Variants in MYH6 observed in about 807,000 individuals in gnomAD.
The protein encoded by MYH6 is myosin-6.
A neutral mutation model predicts 223.2 loss-of-function variants in MYH6; 126 were observed. The ratio of observed to expected loss-of-function variants is 0.56; its 90% CI spans 0.49 to 0.65. The LOEUF (loss-of-function observed/expected upper bound fraction) is 0.65. MYH6 is among the 30% of genes least tolerant of loss of function. The probability of loss-of-function intolerance (pLI) is 0.00; values close to 1 mark genes in which losing one functional copy is unlikely to be tolerated. For missense variants in MYH6, 2,040 were observed against 2,536.4 expected, an observed-to-expected ratio of 0.80 and a Z score of 4.20; for synonymous variants, 978 against 1,010.2, an observed-to-expected ratio of 0.97 and a Z score of 0.61.
At chr14:23,406,647 C>T (rs886666391) in intron 3 of MYH6, among the ~76,000 whole-genome samples, 6 of 152,070 alleles carry the variant, frequency 3.9e-5, no homozygotes, top group Non-Finnish European at 5.9e-5. Context: ...TTTGGGTGAA[C>T]GGAATTTGAG....
At chr14:23,388,403 A>C (rs995977175) in intron 29 of MYH6, 65 bp from the exon 30 acceptor site, 4 of 1,592,714 alleles carry the variant, frequency 2.5e-6, no homozygotes, top group Non-Finnish European at 3.4e-6. Context: ...CCTTGGGTGG[A>C]CCTCCTTCCA....
At chr14:23,399,527 A>G (rs1779946908) in intron 14 of MYH6, among the ~76,000 whole-genome samples, 1 of 152,204 alleles carries the variant, frequency 6.6e-6, no homozygotes, top group African/African-American at 2.4e-5. Flanking sequence ...TTGAAGCTAA[A>G]GACTGTCTCT....
At position 23,392,483 on chromosome 14, in the gene MYH6, A is replaced by G. The variant is rs1048840159; in HGVS notation, c.3342+79T>C. The G allele has an allele frequency of 2.7e-6, 3 of 1,091,700 alleles. No homozygotes were observed. In the African/African-American group the frequency reaches 4.7e-5, roughly 17 times the overall value. 67.6% of individuals were successfully genotyped at this position (1,091,700 alleles called of 1,614,324 possible). A position where few individuals can be genotyped will look rare whatever the true frequency, so the allele number is the denominator to read the frequency against. On this transcript the variant is annotated intron_variant, in intron 25 of 38. Transcript: ENST00000405093. Reference sequence around the variant, plus strand: ...GCCTGGAGTTCCAGATATTGTGTAGAACCCTAAGCAGCTGCTGCAGCCTCA... The same window carrying G: ...GCCTGGAGTTCCAGATATTGTGTAGGACCCTAAGCAGCTGCTGCAGCCTCA...
chr14:23,389,556 T>C (rs2138591491), intron 27 of MYH6, 37 bp downstream of exon 27: 1 of 1,614,232 alleles, frequency 6.2e-7, no homozygotes, highest in East Asian at 2.2e-5. Flanking sequence ...ACAAGTCATG[T>C]CCTGCCCTAG....
intron 36 of MYH6, 34 bp from the exon 37 acceptor site, chr14:23,383,354 AG>A: frequency 2.0e-6 from 3 of 1,473,466 alleles, no homozygotes; most frequent in Non-Finnish European, 9.4e-7. Context: ...GCTGGTTTGG[AG>A]GGGGAGCAAA....
At chr14:23,408,068 G>GT (rs1891841544) in intron 1 of MYH6, among the ~76,000 whole-genome samples, 185 bp downstream of exon 1, 1 of 152,094 alleles carries the variant, frequency 6.6e-6, no homozygotes, top group Admixed American at 6.5e-5. Flanking sequence ...GAGAAAAGAG[G>GT]TTTCTGGGTT....
Position 23,405,161 on chromosome 14 carries a change from G to A in MYH6, c.503-34C>T. On this transcript the variant is annotated intron_variant, in intron 5 of 38. Coordinates refer to ENST00000405093, the MANE Select transcript of MYH6 (RefSeq NM_002471.4). The surrounding 1 kb of genome is among the most constrained non-coding windows in gnomAD (Gnocchi z 4.7). Reference sequence around the variant, plus strand: ...AAAAAGAGGAGAAGCAATGGGGTCAGGGCTGAGGATCTGGGTGGGTGTCTG... The same window carrying A: ...AAAAAGAGGAGAAGCAATGGGGTCAAGGCTGAGGATCTGGGTGGGTGTCTG... The A allele has an allele frequency of 6.2e-7, 1 of 1,614,042 alleles. No individual in the cohort carries two copies. Among genetic ancestry groups the A allele is most frequent in the Non-Finnish European group, 8.5e-7 (1 of 1,180,046 alleles).
rs1297982545 is a variant in MYH6 at position 23,384,511 on chromosome 14, C to G, written c.5496G>C (p.Gln1832His). 3 of 1,613,200 alleles carry G rather than the reference C, an allele frequency of 1.9e-6. No homozygotes were observed. The highest frequency in any genetic ancestry group is 2.5e-6 in the Non-Finnish European group (3 of 1,180,056). ...RELEGELEAE[Q>H]KRNAESVKGM... ...CCTTCACCGACTCTGCGTTGCGCTT[C>G]TGCTCGGCCTCCAGCTCACCCTCCA... is the stretch of plus-strand genomic sequence containing the variant. Residue 1832 changes from glutamine to histidine, a missense_variant, in exon 36 of 39, where the codon CAG becomes CAC. Physicochemically the swap from Gln to His is conservative, Grantham distance 24. Transcript: ENST00000405093.
chr14:23,396,189 T>A (rs1285349131), intron 20 of MYH6, 95 bp downstream of exon 20: 1 of 1,539,980 alleles, frequency 6.5e-7, no homozygotes, highest in Non-Finnish European at 8.9e-7. Context: ...GGCCAGCTGG[T>A]AGGTCTGAAC....
Position 23,382,447 on chromosome 14 carries a change from C to T in MYH6, c.5777G>A (p.Ser1926Asn). The part of the protein sequence containing the change: ...ESQVNKLRAK[S>N]RDIGAKQKMH... ...ACCCACCTTGGCACCAATGTCACGG[C>T]TCTTGGCTCGAAGCTTGTTGACCTG... Residue 1926 changes from serine (S) to asparagine (N), a missense_variant, in exon 38 of 39, where the codon AGC becomes AAC. Transcript: ENST00000405093. 1 of 1,614,162 alleles carries T rather than the reference C, an allele frequency of 6.2e-7. No individual in the cohort carries two copies. The highest frequency in any genetic ancestry group is 8.5e-7 in the Non-Finnish European group (1 of 1,180,030).
intron 13 of MYH6, 33 bp from the exon 14 acceptor site, chr14:23,400,459 A>G: frequency 6.2e-7 from 1 of 1,613,932 alleles, no homozygotes; most frequent in Non-Finnish European, 8.5e-7. Flanking sequence ...GAGCAGTCAG[A>G]AAGTGGGTGT....
Position 23,389,060 on chromosome 14 carries a change from G to A in MYH6, c.3979-5C>T. ...ATGGGCCAGGGCGTTCTTCGCCTGG[G>A]GAGGGGGGGGGGCACCAGGAGGTGG... On this transcript the variant is annotated splice_region_variant and splice_polypyrimidine_tract_variant and intron_variant, in intron 28 of 38. Coordinates refer to ENST00000405093, the MANE Select transcript of MYH6 (RefSeq NM_002471.4). 1 of 1,546,248 alleles carries A rather than the reference G, an allele frequency of 6.5e-7. No individual in the cohort carries two copies. Among genetic ancestry groups the A allele is most frequent in the South Asian group, 1.1e-5 (1 of 88,492 alleles).
At position 23,387,716 on chromosome 14, in the gene MYH6, C is replaced by T. The variant is rs762178354; in HGVS notation, c.4525+42G>A. On this transcript the variant is annotated intron_variant, in intron 31 of 38. Transcript: ENST00000405093. ...TCCCCCTGCCCCTGCATGGCCCTCC[C>T]TCCCACCAACTCATCTCTGGCCTCT... is the stretch of plus-strand genomic sequence containing the variant. The T allele has an allele frequency of 3.1e-6, 5 of 1,614,010 alleles. No individual in the cohort carries two copies. The Admixed American group carries it at 5.0e-5, about 16-fold the overall frequency.
rs1297586459 is a variant in MYH6, at chr14:23,389,436, T to C, written c.3935A>G (p.Gln1312Arg). The change falls in exon 28 of 39, where the codon CAG becomes CGG. Residue 1312 changes from glutamine to arginine, a missense_variant. Gln to Arg is a conservative substitution (Grantham distance 43, BLOSUM62 1). Coordinates refer to ENST00000405093, the MANE Select transcript of MYH6 (RefSeq NM_002471.4). ...QLTRGKLSYTQQMEDLKRQLE... is the reference protein window; with the variant it reads ...QLTRGKLSYTRQMEDLKRQLE... ...CTGCCTTTTGAGGTCCTCCATTTGC[T>C]GGGTATAAGAGAGCTTCCCCCGGGT... is the stretch of plus-strand genomic sequence containing the variant. 8.7e-6 allele frequency: 14 copies of C among 1,613,988 alleles called. No individual in the cohort carries two copies. The highest frequency in any genetic ancestry group is 1.7e-5 in the Admixed American group (1 of 59,992).
Position 23,397,202 on chromosome 14 carries a change from C to T in MYH6, c.2018G>A (p.Arg673His), listed in dbSNP as rs1023327699. 5.0e-6 allele frequency: 8 copies of T among 1,614,112 alleles called. No individual in the cohort carries two copies. The African/African-American group carries it at 5.3e-5, about 11-fold the overall frequency. The change falls in exon 17 of 39, where the codon CGT becomes CAT. Residue 673 changes from arginine (R) to histidine (H), a missense_variant. Coordinates refer to ENST00000405093, the MANE Select transcript of MYH6 (RefSeq NM_002471.4). ...CTTCCGCTCATTGGGGATGATGCAA[C>T]GCACAAAGTGAGGATGGGTGGTCCT... ...NLRTTHPHFV[R>H]CIIPNERKAP...
chr14:23,401,502 T>C lies in MYH6; in HGVS notation c.1142-525A>G, dbSNP rs528715939. On this transcript the variant is annotated intron_variant, in intron 12 of 38. Transcript: ENST00000405093. ...GCCCCCTTATCCGGCCCATGGCCTC[T>C]TGCCACAACTGGCTCTTCTCAGCTC... is the stretch of plus-strand genomic sequence containing the variant. 1.6e-4 allele frequency among the ~76,000 whole-genome samples: 24 copies of C among 152,392 alleles called. No individual in the cohort carries two copies. In the South Asian group the frequency reaches 5.0e-3, roughly 32 times the overall value.
Position 23,386,296 on chromosome 14 carries a change from A to G in MYH6, c.4959+19T>C. The G allele has an allele frequency of 6.2e-7, 1 of 1,613,092 alleles. No homozygotes were observed. Among genetic ancestry groups the G allele is most frequent in the Non-Finnish European group, 8.5e-7 (1 of 1,179,820 alleles). On this transcript the variant is annotated intron_variant, in intron 33 of 38. Transcript: ENST00000405093. Reference sequence around the variant, plus strand: ...ACATGGAGGCCAGTCCCCTGAGGGGACCTCCCGCCCCCATGTACCTTCAGC... The same window carrying G: ...ACATGGAGGCCAGTCCCCTGAGGGGGCCTCCCGCCCCCATGTACCTTCAGC...
Position 23,392,542 on chromosome 14 carries a change from G to A in MYH6, c.3342+20C>T. On this transcript the variant is annotated intron_variant, in intron 25 of 38. Coordinates refer to ENST00000405093, the MANE Select transcript of MYH6 (RefSeq NM_002471.4). Reference sequence around the variant, plus strand: ...AGGGCTATTGAGCTCCCACTTTCATGCACTGGGAAAAAAAGTCACCTGGTT... The same window carrying A: ...AGGGCTATTGAGCTCCCACTTTCATACACTGGGAAAAAAAGTCACCTGGTT... 1 of 1,565,806 alleles carries A rather than the reference G, an allele frequency of 6.4e-7. No homozygotes were observed. The highest frequency in any genetic ancestry group is 8.8e-7 in the Non-Finnish European group (1 of 1,136,308).
chr14:23,390,847 A>G (rs1398759777), intron 25 of MYH6, among the ~76,000 whole-genome samples: 2 of 152,206 alleles, frequency 1.3e-5, no homozygotes, highest in Non-Finnish European at 2.9e-5. Flanking sequence ...TGCGCTATTC[A>G]TAAGACGGGA....
Sources: gnomAD v4.1 joint callset for allele counts (sites outside exome capture counted in the v4.1 genomes callset) on GRCh38, gnomAD v4.1.1 for gene constraint, Gnocchi (gnomAD v3.1) non-coding constraint, MANE v1.5 for transcripts, NCBI Gene and HGNC (gene_info 2026-07-23, HGNC 2026-07-21) for gene names.